The following TPO variants were observed in gnomAD, a reference collection of about 807,000 sequenced individuals.
TPO encodes the protein thyroid microsomal antigen.
A neutral mutation model predicts 96.9 loss-of-function variants in TPO; 78 were observed. The observed-to-expected ratio is 0.81, with a 90% CI of 0.67 to 0.97. The LOEUF (loss-of-function observed/expected upper bound fraction) is 0.97. TPO is among the 50% of genes least tolerant of loss of function. The probability of loss-of-function intolerance (pLI) is 0.00; values close to 1 mark genes in which losing one functional copy is unlikely to be tolerated. For missense variants in TPO, 1,252 were observed against 1,274.8 expected (o/e 0.98, Z 0.27); for synonymous variants, 547 against 538.0 (o/e 1.02, Z -0.23).
At chr2:1,535,413 C>A (rs1425512082) in intron 15 of TPO, among the ~76,000 whole-genome samples, 2 of 96,152 alleles carry the variant, frequency 2.1e-5, no homozygotes, top group Non-Finnish European at 2.2e-5. Flanking sequence ...CCCCAAATCC[C>A]CCTACTGTGT....
Position 1,434,262 on chromosome 2 carries a change from T to G in TPO, c.349+655T>G, listed in dbSNP as rs1665331433. Among the ~76,000 whole-genome samples, 4 of 152,186 alleles carry G rather than the reference T, an allele frequency of 2.6e-5. No homozygotes were observed. The South Asian group carries it at 8.3e-4, about 32-fold the overall frequency. ...TGCAGAGCAAGTAAGCGAAATGTCT[T>G]TTTAATTAATTTATCAAGAATTTTT... On this transcript the variant is annotated intron_variant, in intron 4 of 16. Transcript: ENST00000329066.
Position 1,504,061 on chromosome 2 carries a change from G to T in TPO, c.2500G>T (p.Asp834Tyr). Residue 834 changes from aspartate to tyrosine, a missense_variant, in exon 14 of 17, where the codon GAT (aspartate) becomes TAT (tyrosine). By Grantham distance (160) the Asp-to-Tyr change is radical. Transcript: ENST00000329066. ...LCADPYELGD[D>Y]GRTCVDSGRL... ...CGCGGACCCCTACGAGTTAGGAGAC[G>T]ATGGGAGAACCTGCGTAGGTGAGGC... 6.2e-7 allele frequency: 1 copy of T among 1,614,160 alleles called. No individual in the cohort carries two copies. The highest frequency in any genetic ancestry group is 8.5e-7 in the Non-Finnish European group (1 of 1,180,030).
intron 5 of TPO, among the ~76,000 whole-genome samples, chr2:1,451,544 C>G (rs1464085): frequency 0.54 from 82,466 of 151,994 alleles, 22,625 homozygotes; most frequent in East Asian, 0.77. Context: ...CTAGTCACGC[C>G]TGACTCTTTT....
At chr2:1,526,157 C>G (rs1394524552) in intron 15 of TPO, among the ~76,000 whole-genome samples, 3 of 114,104 alleles carry the variant, frequency 2.6e-5, no homozygotes, top group Non-Finnish European at 3.6e-5. Context: ...TGCAAACCTC[C>G]AAATCCCCCC....
In TPO at chr2:1,452,182, TA is replaced by T. The variant is rs1280862566; in HGVS notation, c.483-1511del. The stretch of plus-strand genomic sequence containing the variant: ...TTCATTGTTTTCTTCAAGATTTAGT[TA>T]TTTTTTACACATTATTAGAACACAA... On this transcript the variant is annotated intron_variant, in intron 5 of 16. Coordinates refer to ENST00000329066, the MANE Select transcript of TPO (RefSeq NM_001206744.2). 4.6e-5 allele frequency among the ~76,000 whole-genome samples: 7 copies of T among 150,888 alleles called. No individual in the cohort carries two copies. The East Asian group carries it at 1.3e-3, about 29-fold the overall frequency.
At chr2:1,505,414 C>A (rs1250423606) in intron 14 of TPO, among the ~76,000 whole-genome samples, 1 of 137,916 alleles carries the variant, frequency 7.3e-6, no homozygotes, top group Non-Finnish European at 1.5e-5. Context: ...ACTGCCCCAT[C>A]CTGTGTCACG....
intron 1 of TPO, among the ~76,000 whole-genome samples, chr2:1,398,529 G>A (rs66921910): frequency 0.06 from 9,204 of 152,248 alleles, 704 homozygotes; most frequent in East Asian, 0.3. Context: ...CTCCTGTTGT[G>A]GCCCCAGCAT....
chr2:1,414,238 G>T, intron 1 of TPO, 170 bp from the exon 2 acceptor site: 1 of 668,682 alleles, frequency 1.5e-6, no homozygotes. Context: ...CTCCTGACAT[G>T]GACGGCGACT....
intron 14 of TPO, among the ~76,000 whole-genome samples, chr2:1,509,782 T>C (rs78710683): frequency 1.1e-3 from 60 of 53,368 alleles, no homozygotes; most frequent in Middle Eastern, 7.9e-3. Flanking sequence ...ACCCTACCCT[T>C]TTGTTTCAGG....
intron 3 of TPO, among the ~76,000 whole-genome samples, chr2:1,424,622 A>C (rs1664130939): frequency 6.6e-6 from 1 of 152,250 alleles, no homozygotes; most frequent in Non-Finnish European, 1.5e-5. Flanking sequence ...TCAACTGGGG[A>C]GACTATTGGA....
rs145499396 is a variant in TPO, at chr2:1,487,974, G to A, written c.1751G>A (p.Arg584Gln). ...GCGTCCATCAACCTGCAGAGGGGCC[G>A]GGACCACGGGCTGCCAGGTCTGCCA... ...DLASINLQRG[R>Q]DHGLPGYNEW... is the part of the protein sequence containing the mutation. The change falls in exon 10 of 17, where the codon CGG becomes CAG. Residue 584 changes from arginine to glutamine, a missense_variant. Arg to Gln is a conservative substitution (Grantham distance 43). Coordinates refer to ENST00000329066, the MANE Select transcript of TPO (RefSeq NM_001206744.2). The A allele has an allele frequency of 4.8e-5, 78 of 1,613,244 alleles. No individual in the cohort carries two copies. In the African/African-American group the frequency reaches 6.9e-4, roughly 14 times the overall value.
intron 3 of TPO, among the ~76,000 whole-genome samples, chr2:1,430,365 T>C (rs533201651): frequency 6.6e-6 from 1 of 152,326 alleles, no homozygotes; most frequent in African/African-American, 2.4e-5. Flanking sequence ...GCTTAGTAGC[T>C]TCCCCTAGAT....
chr2:1,526,113 C>G (rs1391846612), intron 15 of TPO, among the ~76,000 whole-genome samples: 1 of 111,444 alleles, frequency 9.0e-6, no homozygotes, highest in Admixed American at 9.4e-5. Context: ...CCCAAATCCC[C>G]CCGACTCTGT....
At chr2:1,472,851 AGGAG>A (rs1462803404) in intron 7 of TPO, among the ~76,000 whole-genome samples, 1 of 135,454 alleles carries the variant, frequency 7.4e-6, no homozygotes, top group Non-Finnish European at 1.6e-5. Flanking sequence ...AAAAAAAAAA[AGGAG>A]AGAGAGAGAT....
chr2:1,390,053 G>A (rs1400107536), intron 1 of TPO, among the ~76,000 whole-genome samples: 3 of 149,838 alleles, frequency 2.0e-5, no homozygotes, highest in Non-Finnish European at 3.0e-5. Flanking sequence ...AAGTTCTAGG[G>A]TACACATGCA....
chr2:1,454,169 T>C (rs865908621), intron 6 of TPO, among the ~76,000 whole-genome samples: 36 of 128,728 alleles, frequency 2.8e-4, no homozygotes, highest in Admixed American at 5.6e-4. Context: ...AGTTCAGCAA[T>C]CCACTTGTTG....
At chr2:1,412,903 T>C (rs1408585372), upstream of TPO, among the ~76,000 whole-genome samples, 1 of 152,048 alleles carries the variant, frequency 6.6e-6, no homozygotes. Flanking sequence ...TGGGGACTCT[T>C]TTGATGGGTG....
chr2:1,491,568 G>A (rs563989451), intron 10 of TPO, among the ~76,000 whole-genome samples: 53 of 152,226 alleles, frequency 3.5e-4, no homozygotes, highest in Admixed American at 3.2e-3. Flanking sequence ...TCATTATTTT[G>A]GTTTCTCACT....
intron 13 of TPO, among the ~76,000 whole-genome samples, chr2:1,502,353 G>A (rs28912990): frequency 0.069 from 10,480 of 152,176 alleles, 429 homozygotes; most frequent in East Asian, 0.14. Context: ...ATAGTCAATA[G>A]CTCCAATCCC....
Sources: gnomAD v4.1 joint callset for allele counts (sites outside exome capture counted in the v4.1 genomes callset) on GRCh38, gnomAD v4.1.1 for gene constraint, MANE v1.5 for transcripts, NCBI Gene and HGNC (gene_info 2026-07-23, HGNC 2026-07-21) for gene names.